RPA2: variants seen among roughly 807,000 people sequenced by gnomAD.
RPA2 encodes the protein replication protein A2.
A neutral mutation model predicts 33.4 loss-of-function variants in RPA2; 22 were observed. The observed-to-expected ratio is 0.66, with a 90% confidence interval of 0.47 to 0.94. The LOEUF (loss-of-function observed/expected upper bound fraction) is 0.94. Among genes scored for constraint, RPA2 ranks in the 40% least tolerant of loss-of-function variants. The pLI, the probability that RPA2 is intolerant of heterozygous loss-of-function variation, is 0.00. For missense variants in RPA2, 279 were observed against 329.9 expected, an observed-to-expected ratio of 0.85 and a Z score of 1.19; for synonymous variants, 109 against 114.9, an observed-to-expected ratio of 0.95 and a Z score of 0.33.
At chr1:27,914,716 C>G, upstream of RPA2, 3 of 1,598,658 alleles carry the variant, frequency 1.9e-6, no homozygotes, top group Non-Finnish European at 2.6e-6. Flanking sequence ...CCGCGGCCAT[C>G]TTTACGAAGG....
At chr1:27,910,025 G>A (rs919725386) in intron 2 of RPA2, among the ~76,000 whole-genome samples, 12 of 152,090 alleles carry the variant, frequency 7.9e-5, no homozygotes, top group Middle Eastern at 3.4e-3. Flanking sequence ...AATTTGCAGG[G>A]GTCCCAGGAT....
intron 5 of RPA2, 120 bp downstream of exon 5, chr1:27,897,513 A>T: frequency 1.6e-6 from 1 of 609,192 alleles, no homozygotes; most frequent in Non-Finnish European, 2.7e-6. Flanking sequence ...GAAGAGAGTA[A>T]GAAATAACTT....
In RPA2 at chr1:27,914,131, C is replaced by G. The variant is rs1248396349; in HGVS notation, c.49G>C (p.Ala17Pro). 6.2e-7 allele frequency: 1 copy of G among 1,612,656 alleles called. No homozygotes were observed. The highest frequency in any genetic ancestry group is 8.5e-7 in the Non-Finnish European group (1 of 1,179,620). Residue 17 changes from alanine to proline, a missense_variant, in exon 2 of 9, where the codon GCC (alanine) becomes CCC (proline). By Grantham distance (27) the Ala-to-Pro change is conservative (BLOSUM62 -1). Around this residue, in one of 2 missense-constraint regions of RPA2, gnomAD observed 274 missense variants for 310.3 expected, o/e 0.88. Transcript: ENST00000373912. ...CCCGGGGACTGCGTGTAGCCGCCGG[C>G]TCCCCCGTATGAGGAGCTGCCATAG... ...ESYGSSSYGG[A>P]GGYTQSPGGF...
intron 6 of RPA2, among the ~76,000 whole-genome samples, chr1:27,894,891 C>T (rs997468477): frequency 2.0e-4 from 31 of 152,140 alleles, no homozygotes; most frequent in African/African-American, 6.8e-4. Flanking sequence ...CTCAGCCCAC[C>T]ATATTTGGGT....
chr1:27,899,790 C>G (rs932164088), intron 4 of RPA2, among the ~76,000 whole-genome samples: 4 of 152,072 alleles, frequency 2.6e-5, no homozygotes, highest in African/African-American at 9.7e-5. Flanking sequence ...ACACCATTCT[C>G]CTGCCTCAGC....
chr1:27,903,864 TAAAAA>T (rs34163774), intron 4 of RPA2, among the ~76,000 whole-genome samples: 1 of 92,858 alleles, frequency 1.1e-5, no homozygotes, highest in Non-Finnish European at 2.1e-5. Flanking sequence ...TGTCTCTATT[TAAAAA>T]AAAAAAAAAA....
Position 27,892,228 on chromosome 1 carries a change from T to C in RPA2, c.748A>G (p.Ser250Gly), listed in dbSNP as rs2089833339. 6.2e-7 allele frequency: 1 copy of C among 1,612,898 alleles called. No homozygotes were observed. The highest frequency in any genetic ancestry group is 1.3e-5 in the African/African-American group (1 of 74,900). The part of the protein sequence containing the change: ...SSIKQAVDFL[S>G]NEGHIYSTVD... ...GTAGAATAGATGTGCCCCTCATTGC[T>C]CAGAAAATCCACAGCTTGCCTAGAA... is the stretch of plus-strand genomic sequence containing the variant. The change falls in exon 9 of 9, where the codon AGC becomes GGC. Residue 250 changes from serine (S) to glycine (G), a missense_variant. Ser to Gly is a moderately conservative substitution (Grantham distance 56, BLOSUM62 0). This residue lies in a region of RPA2 where 274 missense variants were observed against 310.3 expected (regional missense o/e 0.88). Coordinates refer to ENST00000373912, the MANE Select transcript of RPA2 (RefSeq NM_002946.5).
intron 2 of RPA2, among the ~76,000 whole-genome samples, chr1:27,913,020 T>C (rs1310597481): frequency 6.6e-6 from 1 of 152,128 alleles, no homozygotes; most frequent in African/African-American, 2.4e-5. Flanking sequence ...TGGCATCATC[T>C]TGGCTCACTG....
chr1:27,899,513 G>GAAAAAAAAA (rs67126026), intron 4 of RPA2, among the ~76,000 whole-genome samples: 1 of 107,554 alleles, frequency 9.3e-6, no homozygotes, highest in Non-Finnish European at 1.8e-5. Flanking sequence ...AAAAAAAAAA[G>GAAAAAAAAA]AAAAAAAAAA....
Position 27,906,919 on chromosome 1 carries a change from G to A in RPA2, c.333+9C>T. ...GTAACCCCATCATGATTCAAAAACA[G>A]CCACTTACATCTGTGTCAACCCACT... is the stretch of plus-strand genomic sequence containing the variant. On this transcript the variant is annotated intron_variant, in intron 4 of 8. Coordinates refer to ENST00000373912, the MANE Select transcript of RPA2 (RefSeq NM_002946.5). 6.3e-7 allele frequency: 1 copy of A among 1,587,344 alleles called. No individual in the cohort carries two copies. The highest frequency in any genetic ancestry group is 8.6e-7 in the Non-Finnish European group (1 of 1,161,944).
intron 2 of RPA2, among the ~76,000 whole-genome samples, chr1:27,909,554 T>C (rs28988909): frequency 6.7e-6 from 1 of 149,840 alleles, no homozygotes; most frequent in Non-Finnish European, 1.5e-5. Flanking sequence ...ACTAAAAATT[T>C]AAAAAAAAAA....
At chr1:27,899,857 T>C (rs2148655370) in intron 4 of RPA2, among the ~76,000 whole-genome samples, 1 of 152,038 alleles carries the variant, frequency 6.6e-6, no homozygotes, top group Non-Finnish European at 1.5e-5. Context: ...ATTTTTTGTA[T>C]TTTTAGTAGA....
rs777779644 is a variant in RPA2, at chr1:27,914,435, G to C, written c.9C>G (p.Asn3Lys). The part of the protein sequence containing the change: MW[N>K]SGFESYGSSS... ...TCCACCCCGCACCCCCATCATTACT[G>C]TTCCACATCTTGGTCACGATTCTCC... is the stretch of plus-strand genomic sequence containing the variant. The change falls in exon 1 of 9, where the codon AAC (asparagine) becomes AAG (lysine). Residue 3 changes from asparagine to lysine, a missense_variant and splice_region_variant. By Grantham distance (94) the Asn-to-Lys change is moderately conservative. Around this residue, in one of 2 missense-constraint regions of RPA2, gnomAD observed 274 missense variants for 310.3 expected, o/e 0.88. Transcript: ENST00000373912. 3 of 1,601,546 alleles carry C rather than the reference G, an allele frequency of 1.9e-6. No homozygotes were observed. The highest frequency in any genetic ancestry group is 1.7e-6 in the Non-Finnish European group (2 of 1,172,946).
At chr1:27,903,864 TAA>T (rs34163774) in intron 4 of RPA2, among the ~76,000 whole-genome samples, 10,222 of 92,672 alleles carry the variant, frequency 0.11, 1,261 homozygotes, top group African/African-American at 0.34. Context: ...TGTCTCTATT[TAA>T]AAAAAAAAAA....
chr1:27,904,902 T>G (rs1036565714), intron 4 of RPA2, among the ~76,000 whole-genome samples: 1 of 152,202 alleles, frequency 6.6e-6, no homozygotes, highest in Non-Finnish European at 1.5e-5. Flanking sequence ...CCCGCCAGCA[T>G]TGGCCTCCCA....
chr1:27,899,962 G>A (rs909375073), intron 4 of RPA2, among the ~76,000 whole-genome samples: 7 of 151,630 alleles, frequency 4.6e-5, no homozygotes, highest in African/African-American at 7.3e-5. Flanking sequence ...TTACAGGCGT[G>A]AGCCACGGTG....
In RPA2 at chr1:27,914,462, C is replaced by G. The variant is rs1557478116; in HGVS notation, c.-19G>C. 1 of 1,591,094 alleles carries G rather than the reference C, an allele frequency of 6.3e-7. No individual in the cohort carries two copies. Among genetic ancestry groups the G allele is most frequent in the Non-Finnish European group, 8.6e-7 (1 of 1,167,636 alleles). On this transcript the variant is annotated 5_prime_UTR_variant, in exon 1 of 9. Transcript: ENST00000373912. ...TCCACATCTTGGTCACGATTCTCCG[C>G]AAAGAGGCCGAGAAGGTGCGGGTCT...
In RPA2 at chr1:27,906,860, G is replaced by A; in HGVS notation, c.333+68C>T. ...TTTTTATAAGAAAAAACTTTAAAAA[G>A]ACTAAAAAAGTTCAACATCTCCACA... On this transcript the variant is annotated intron_variant, in intron 4 of 8. Coordinates refer to ENST00000373912, the MANE Select transcript of RPA2 (RefSeq NM_002946.5). The A allele has an allele frequency of 5.7e-6, 6 of 1,045,212 alleles. No homozygotes were observed. The East Asian group carries it at 7.6e-5, about 13-fold the overall frequency. 64.7% of individuals were successfully genotyped at this position (1,045,212 alleles called of 1,614,324 possible). A position where few individuals can be genotyped will look rare whatever the true frequency, so the allele number is the denominator to read the frequency against.
At chr1:27,896,669 A>C (rs1455934724) in intron 6 of RPA2, among the ~76,000 whole-genome samples, 1 of 152,178 alleles carries the variant, frequency 6.6e-6, no homozygotes, top group Non-Finnish European at 1.5e-5. Context: ...TGCTGTCCTG[A>C]AGGGGACTAC....
Sources: allele counts gnomAD v4.1 joint callset (sites outside exome capture counted in the v4.1 genomes callset), GRCh38; gene constraint gnomAD v4.1.1; regional missense constraint gnomAD v4.1.1; transcripts MANE v1.5; gene names NCBI Gene and HGNC (gene_info 2026-07-23, HGNC 2026-07-21).